The following KLF9 variants were observed in gnomAD, a reference collection of about 807,000 sequenced individuals.
KLF9 encodes the protein KLF transcription factor 9, also known as Krueppel-like factor 9.
In KLF9, 2 loss-of-function variants were observed where a neutral mutation model predicts 17.3. That is an observed-to-expected ratio of 0.12 (90% CI 0.05 to 0.36). The LOEUF (loss-of-function observed/expected upper bound fraction) is 0.36, where lower values mean the gene tolerates loss of function less well. Among genes scored for constraint, KLF9 ranks in the 10% least tolerant of loss-of-function variants. KLF9 has a pLI of 1.00. For synonymous variants in KLF9, 138 were observed against 139.2 expected (o/e 0.99, Z 0.06); for missense variants, 226 against 333.2 (o/e 0.68, Z 2.51).
rs1564084721 is a variant in KLF9 at position 70,384,843 on chromosome 9, C to G, written c.*2933G>C. 6.6e-6 allele frequency: 1 copy of G among 152,572 alleles called. No individual in the cohort carries two copies. Among genetic ancestry groups the G allele is most frequent in the Admixed American group, 6.5e-5 (1 of 15,272 alleles). The allele number at this position is 152,572 out of a possible 1,614,324, so 9.5% of individuals were successfully genotyped here. Reference sequence around the variant, plus strand: ...ATCTATCCGAGTGATGAGTACTGTGCTAAATCTATCTGCAAACTGACAAAC... The same window carrying G: ...ATCTATCCGAGTGATGAGTACTGTGGTAAATCTATCTGCAAACTGACAAAC... On this transcript the variant is annotated 3_prime_UTR_variant, in exon 2 of 2. Transcript: ENST00000377126.
In KLF9 at chr9:70,413,461, C is replaced by A; in HGVS notation, c.-98G>T. On this transcript the variant is annotated 5_prime_UTR_variant, in exon 1 of 2. Transcript: ENST00000377126. The surrounding 1 kb of genome is among the most constrained non-coding windows in gnomAD (Gnocchi z 5.6). Reference sequence around the variant, plus strand: ...CTGGCCTCGGACGACGAGCGCGGCGCGGCGCGGCACGGCGCGGCGGCCAAG... The same window carrying A: ...CTGGCCTCGGACGACGAGCGCGGCGAGGCGCGGCACGGCGCGGCGGCCAAG... 6 of 1,191,362 alleles carry A rather than the reference C, an allele frequency of 5.0e-6. No homozygotes were observed. Among genetic ancestry groups the A allele is most frequent in the Non-Finnish European group, 6.3e-6 (6 of 953,442 alleles). 73.8% of individuals were successfully genotyped at this position (1,191,362 alleles called of 1,614,324 possible).
Position 70,384,960 on chromosome 9 carries a change from A to C in KLF9, c.*2816T>G, listed in dbSNP as rs1049894636. 3 of 152,446 alleles carry C rather than the reference A, an allele frequency of 2.0e-5. No homozygotes were observed. Among genetic ancestry groups the C allele is most frequent in the Admixed American group, 2.0e-4 (3 of 15,290 alleles). 9.4% of individuals were successfully genotyped at this position (152,446 alleles called of 1,614,324 possible). On this transcript the variant is annotated 3_prime_UTR_variant, in exon 2 of 2. Transcript: ENST00000377126. ...CTTAAAGCCAGGGCATCATTCCACA[A>C]TGGTGAAGGGCTTTCTTCTTCCCTA...
chr9:70,396,763 C>G (rs2037184163), intron 1 of KLF9, among the ~76,000 whole-genome samples: 1 of 152,144 alleles, frequency 6.6e-6, no homozygotes, highest in African/African-American at 2.4e-5. Context: ...ATTTTTTAAA[C>G]AGTGAGTATA....
Position 70,386,918 on chromosome 9 carries a change from G to C in KLF9, c.*858C>G, listed in dbSNP as rs576491463. 6.5e-6 allele frequency: 1 copy of C among 152,680 alleles called. No homozygotes were observed. Among genetic ancestry groups the C allele is most frequent in the South Asian group, 2.1e-4 (1 of 4,824 alleles). The allele number at this position is 152,680 out of a possible 1,614,324, so 9.5% of individuals were successfully genotyped here. On this transcript the variant is annotated 3_prime_UTR_variant, in exon 2 of 2. Coordinates refer to ENST00000377126, the MANE Select transcript of KLF9 (RefSeq NM_001206.4). Reference sequence around the variant, plus strand: ...GCAGATTATAACGTGGTGCCAAACAGAACATCTGCTTCTATCCTCAAAGCA... The same window carrying C: ...GCAGATTATAACGTGGTGCCAAACACAACATCTGCTTCTATCCTCAAAGCA...
At chr9:70,412,184 G>T (rs2037320509) in intron 1 of KLF9, among the ~76,000 whole-genome samples, 1 of 36,902 alleles carries the variant, frequency 2.7e-5, no homozygotes, top group Non-Finnish European at 4.3e-5. Context: ...AAGTCACATG[G>T]CCAAAAAAAA....
At chr9:70,410,439 A>T (rs887459116) in intron 1 of KLF9, among the ~76,000 whole-genome samples, 2 of 152,236 alleles carry the variant, frequency 1.3e-5, no homozygotes, top group South Asian at 4.1e-4. Context: ...GCTGGCCTCA[A>T]CTGTGTCGTT....
At chr9:70,409,924 A>G (rs929592071) in intron 1 of KLF9, among the ~76,000 whole-genome samples, 3 of 152,218 alleles carry the variant, frequency 2.0e-5, no homozygotes, top group East Asian at 1.9e-4. Context: ...CGTTCTGTAC[A>G]TTATACACAA....
intron 1 of KLF9, among the ~76,000 whole-genome samples, chr9:70,404,330 T>C (rs1310067122): frequency 6.6e-6 from 1 of 152,176 alleles, no homozygotes; most frequent in Non-Finnish European, 1.5e-5. Flanking sequence ...CTGGGTGCAG[T>C]GGCTCATGCC....
Position 70,413,336 on chromosome 9 carries a change from C to G in KLF9, c.28G>C (p.Val10Leu). Residue 10 changes from valine (V) to leucine (L), a missense_variant, in exon 1 of 2, where the codon GTG becomes CTG. By Grantham distance (32) the Val-to-Leu change is conservative. Transcript: ENST00000377126. The surrounding 1 kb of genome is among the most constrained non-coding windows in gnomAD (Gnocchi z 5.6). ...ATGGAAACCAGACACTGGGCAGCCACGAAGTCCATGTAGGCGGCCGCGGAC... is the reference window on the plus strand; with the variant it reads ...ATGGAAACCAGACACTGGGCAGCCAGGAAGTCCATGTAGGCGGCCGCGGAC... MSAAAYMDF[V>L]AAQCLVSISN... The G allele has an allele frequency of 6.3e-7, 1 of 1,582,196 alleles. No individual in the cohort carries two copies. The highest frequency in any genetic ancestry group is 8.6e-7 in the Non-Finnish European group (1 of 1,165,436).
chr9:70,389,496 CTCCTGGGGG>C (rs2037139095), intron 1 of KLF9, among the ~76,000 whole-genome samples: 1 of 152,180 alleles, frequency 6.6e-6, no homozygotes, highest in Non-Finnish European at 1.5e-5. Context: ...GCTGTCCTGA[CTCCTGGGGG>C]TCCTGGGGAC....
At chr9:70,400,185 C>T (rs2037211855) in intron 1 of KLF9, among the ~76,000 whole-genome samples, 1 of 152,130 alleles carries the variant, frequency 6.6e-6, no homozygotes, top group South Asian at 2.1e-4. Context: ...TTCTAAAGTG[C>T]AGGGTGGGGA....
At chr9:70,403,479 G>C (rs1338884874) in intron 1 of KLF9, among the ~76,000 whole-genome samples, 1 of 152,130 alleles carries the variant, frequency 6.6e-6, no homozygotes, top group Non-Finnish European at 1.5e-5. Context: ...CTTGGGGTTT[G>C]CTTAAGTGGC....
intron 1 of KLF9, among the ~76,000 whole-genome samples, chr9:70,392,848 C>T (rs934820640): frequency 6.6e-6 from 1 of 152,114 alleles, no homozygotes; most frequent in Admixed American, 6.6e-5. Context: ...TTAAACCTGT[C>T]TTTAGTATTA....
Position 70,414,011 on chromosome 9 carries a change from T to C in KLF9, c.-648A>G, listed in dbSNP as rs766699349. 2.6e-5 allele frequency: 4 copies of C among 152,646 alleles called. No homozygotes were observed. Among genetic ancestry groups the C allele is most frequent in the Admixed American group, 6.5e-5 (1 of 15,280 alleles). 9.5% of individuals were successfully genotyped at this position (152,646 alleles called of 1,614,324 possible). A position where few individuals can be genotyped will look rare whatever the true frequency, so the allele number is the denominator to read the frequency against. ...AACCAAACCCCCTCCAATTGGCCAG[T>C]GGGGAGGGTGATTCAACTCTGTTTA... On this transcript the variant is annotated 5_prime_UTR_variant, in exon 1 of 2. Transcript: ENST00000377126.
intron 1 of KLF9, among the ~76,000 whole-genome samples, chr9:70,409,133 TAC>T (rs1199211559): frequency 7.8e-5 from 5 of 64,394 alleles, no homozygotes; most frequent in Non-Finnish European, 8.9e-5. Context: ...TATATATGTA[TAC>T]ATATATATGT....
chr9:70,389,987 G>T (rs1193722996), intron 1 of KLF9, among the ~76,000 whole-genome samples: 2 of 152,332 alleles, frequency 1.3e-5, no homozygotes, highest in South Asian at 4.1e-4. Context: ...GAGGCTGGGA[G>T]CTGTCCAGCG....
At chr9:70,388,046 T>C (rs2037126476) in intron 1 of KLF9, 41 bp from the exon 2 acceptor site, 1 of 1,541,226 alleles carries the variant, frequency 6.5e-7, no homozygotes, top group Non-Finnish European at 8.9e-7. Context: ...TCAAAGAACA[T>C]GAAAAAAATT....
In KLF9 at chr9:70,407,502, A is replaced by G. The variant is rs1032475342; in HGVS notation, c.505+5357T>C. Among the ~76,000 whole-genome samples the G allele has an allele frequency of 2.6e-5, 4 of 152,226 alleles. 1 individual carries two copies. The highest frequency in any genetic ancestry group is 2.6e-4 in the Admixed American group (4 of 15,280). ...AGGGAAACAGTGTGCGTACTCTGTA[A>G]TTTGACTCCACTTATGTTTTCTATC... is the stretch of plus-strand genomic sequence containing the variant. On this transcript the variant is annotated intron_variant, in intron 1 of 1. Transcript: ENST00000377126.
At chr9:70,396,200 C>T (rs2037181029) in intron 1 of KLF9, among the ~76,000 whole-genome samples, 1 of 152,076 alleles carries the variant, frequency 6.6e-6, no homozygotes, top group East Asian at 1.9e-4. Context: ...CAATATTCTC[C>T]TGCAGATTAT....
Sources: allele counts gnomAD v4.1 joint callset (sites outside exome capture counted in the v4.1 genomes callset), GRCh38; gene constraint gnomAD v4.1.1; non-coding constraint Gnocchi (gnomAD v3.1); transcripts MANE v1.5; gene names NCBI Gene and HGNC (gene_info 2026-07-23, HGNC 2026-07-21).